Variants in GATB observed in about 807,000 individuals in gnomAD.
The protein encoded by GATB is glutamyl-tRNA(Gln) amidotransferase subunit B, mitochondrial.
A neutral mutation model predicts 62.3 loss-of-function variants in GATB; 39 were observed. That is an observed-to-expected ratio of 0.63 (90% confidence interval 0.48 to 0.82). The LOEUF is 0.82. Ranked by LOEUF, GATB falls within the 40% of genes least tolerant of loss-of-function variation. The pLI is 0.00. For synonymous variants in GATB, 276 were observed against 258.9 expected (o/e 1.07, Z -0.63); for missense variants, 670 against 684.0 (o/e 0.98, Z 0.23).
At chr4:151,701,720 G>T (rs1738611425) in intron 8 of GATB, among the ~76,000 whole-genome samples, 1 of 152,148 alleles carries the variant, frequency 6.6e-6, no homozygotes, top group Non-Finnish European at 1.5e-5. Flanking sequence ...CCCTCTCCAT[G>T]CTTATAAATA....
At chr4:151,706,793 T>C (rs72962929) in intron 6 of GATB, among the ~76,000 whole-genome samples, 22,504 of 152,240 alleles carry the variant, frequency 0.15, 2,019 homozygotes, top group African/African-American at 0.25. Flanking sequence ...ACATTTTGGC[T>C]ACAGCAAAAC....
At chr4:151,707,883 A>T (rs1255913500) in intron 6 of GATB, 105 bp downstream of exon 6, 1 of 740,332 alleles carries the variant, frequency 1.4e-6, no homozygotes, top group Non-Finnish European at 2.3e-6. Flanking sequence ...ACCAGTGAAA[A>T]CGAAAGTAGT....
chr4:151,757,300 A>T (rs1673314665), intron 2 of GATB, among the ~76,000 whole-genome samples: 1 of 152,070 alleles, frequency 6.6e-6, no homozygotes, highest in Admixed American at 6.6e-5. Flanking sequence ...CCATGACAGA[A>T]AATGCGATAA....
chr4:151,708,918 C>G (rs1448717307), intron 5 of GATB, among the ~76,000 whole-genome samples: 5 of 152,118 alleles, frequency 3.3e-5, no homozygotes, highest in African/African-American at 1.2e-4. Context: ...AGAAAAATCC[C>G]AAGACAAATA....
intron 2 of GATB, among the ~76,000 whole-genome samples, chr4:151,733,147 C>CA (rs913837045): frequency 6.0e-5 from 9 of 151,256 alleles, no homozygotes; most frequent in Middle Eastern, 3.4e-3. Flanking sequence ...TTGAAACAAA[C>CA]AAAAAAAATA....
intron 3 of GATB, 86 bp downstream of exon 3, chr4:151,719,339 G>T: frequency 1.1e-6 from 1 of 926,578 alleles, no homozygotes; most frequent in Non-Finnish European, 1.7e-6. Context: ...GAGAGGCACA[G>T]CCCCTTTCCC....
chr4:151,729,926 A>G (rs1339951636), intron 2 of GATB, among the ~76,000 whole-genome samples: 2 of 152,206 alleles, frequency 1.3e-5, no homozygotes, highest in Non-Finnish European at 2.9e-5. Flanking sequence ...GGAGGCTTGC[A>G]TTGTGAATTT....
At chr4:151,715,267 G>A (rs1738891701) in intron 5 of GATB, among the ~76,000 whole-genome samples, 1 of 152,172 alleles carries the variant, frequency 6.6e-6, no homozygotes. Flanking sequence ...GGTGGAAGAA[G>A]TTTTCAAAAA....
At chr4:151,687,247 A>G (rs1214144329) in intron 10 of GATB, among the ~76,000 whole-genome samples, 4 of 152,130 alleles carry the variant, frequency 2.6e-5, no homozygotes, top group Non-Finnish European at 5.9e-5. Flanking sequence ...GATCTTGCCT[A>G]CTGGTTAGCC....
intron 2 of GATB, among the ~76,000 whole-genome samples, chr4:151,738,740 G>A (rs1275071636): frequency 6.6e-6 from 1 of 152,190 alleles, no homozygotes; most frequent in Non-Finnish European, 1.5e-5. Context: ...GGTTATGAGT[G>A]ACTACAGGCA....
intron 12 of GATB, among the ~76,000 whole-genome samples, chr4:151,672,265 C>T (rs2033020015): frequency 6.6e-6 from 1 of 152,196 alleles, no homozygotes; most frequent in African/African-American, 2.4e-5. Context: ...AGTCATGCTC[C>T]TGTCAGGGAT....
intron 2 of GATB, chr4:151,721,031 G>A (rs1739021621): frequency 6.6e-6 from 1 of 152,310 alleles, no homozygotes; most frequent in Admixed American, 6.5e-5. Flanking sequence ...GAGGTCAGGA[G>A]ATCGAGACCA....
At chr4:151,716,277 CTTTT>C (rs1204900952) in intron 4 of GATB, 146 bp from the exon 5 acceptor site, 1,031 of 411,852 alleles carry the variant, frequency 2.5e-3, no homozygotes, top group Middle Eastern at 4.3e-3. Context: ...TCCCTCCCAC[CTTTT>C]TTTTTTTTTT....
intron 2 of GATB, among the ~76,000 whole-genome samples, chr4:151,747,443 G>A (rs1480209806): frequency 6.6e-6 from 1 of 152,204 alleles, no homozygotes; most frequent in Non-Finnish European, 1.5e-5. Flanking sequence ...GCTTGACGCT[G>A]GCACTATCTA....
chr4:151,744,578 T>C (rs1739559182), intron 2 of GATB, among the ~76,000 whole-genome samples: 1 of 152,046 alleles, frequency 6.6e-6, no homozygotes, highest in Admixed American at 6.6e-5. Flanking sequence ...GGTGGGGCCC[T>C]GTCTCTAAAA....
chr4:151,690,789 C>A (rs1326767864), intron 9 of GATB, among the ~76,000 whole-genome samples: 2 of 152,142 alleles, frequency 1.3e-5, no homozygotes, highest in Non-Finnish European at 2.9e-5. Context: ...CCTCTCTGAG[C>A]TGGAACTGTA....
rs886593718 is a variant in GATB at position 151,758,714 on chromosome 4, A to G, written c.327+58T>C. ...TATTAAAACAAGAAAATAATTTTCCATGTTCAATATAAAATAAACATTTTT... is the reference window on the plus strand; with the variant it reads ...TATTAAAACAAGAAAATAATTTTCCGTGTTCAATATAAAATAAACATTTTT... On this transcript the variant is annotated intron_variant, in intron 2 of 12. Coordinates refer to ENST00000263985, the MANE Select transcript of GATB (RefSeq NM_004564.3). 18 of 1,290,566 alleles carry G rather than the reference A, an allele frequency of 1.4e-5. No individual in the cohort carries two copies. In the African/African-American group the frequency reaches 2.3e-4, roughly 16 times the overall value. The allele number at this position is 1,290,566 out of a possible 1,614,324, so 79.9% of individuals were successfully genotyped here. A position where few individuals can be genotyped will look rare whatever the true frequency, so the allele number is the denominator to read the frequency against.
intron 9 of GATB, among the ~76,000 whole-genome samples, chr4:151,697,272 T>C (rs1738488091): frequency 1.3e-5 from 2 of 152,018 alleles, no homozygotes; most frequent in Non-Finnish European, 2.9e-5. Context: ...AGTTGTGGTA[T>C]ATCTACACAA....
intron 1 of GATB, among the ~76,000 whole-genome samples, chr4:151,759,950 A>C (rs1739918121): frequency 6.6e-6 from 1 of 152,214 alleles, no homozygotes; most frequent in African/African-American, 2.4e-5. Context: ...ACTCATTAGA[A>C]ATTCTGCATG....
Sources: gnomAD v4.1 joint callset for allele counts (sites outside exome capture counted in the v4.1 genomes callset) on GRCh38, gnomAD v4.1.1 for gene constraint, MANE v1.5 for transcripts, NCBI Gene and HGNC (gene_info 2026-07-23, HGNC 2026-07-21) for gene names.